Variants in METTL25 observed in about 807,000 individuals in gnomAD.
METTL25 encodes the protein probable methyltransferase-like protein 25.
METTL25 carries 64 observed loss-of-function variants against 71.6 expected under a neutral mutation model. The ratio of observed to expected loss-of-function variants is 0.89; its 90% CI spans 0.73 to 1.10. METTL25 has a LOEUF of 1.10. Among genes scored for constraint, METTL25 ranks in the 50% least tolerant of loss-of-function variants. The pLI is 0.00. For synonymous variants in METTL25, 287 were observed against 250.3 expected (o/e 1.15, Z -1.38); for missense variants, 807 against 707.0 (o/e 1.14, Z -1.60).
chr12:82,407,927 C>A, intron 5 of METTL25: 6 of 984,852 alleles, frequency 6.1e-6, no homozygotes, highest in Non-Finnish European at 7.2e-6. Flanking sequence ...CTCACTGTAT[C>A]TTTGCTGTAG....
At chr12:82,424,127 G>C (rs928092944) in intron 5 of METTL25, among the ~76,000 whole-genome samples, 1 of 152,076 alleles carries the variant, frequency 6.6e-6, no homozygotes, top group Admixed American at 6.5e-5. Context: ...CAAAGACTTG[G>C]AACCAACCCA....
chr12:82,412,879 A>G (rs527412579), intron 5 of METTL25, among the ~76,000 whole-genome samples: 1 of 152,094 alleles, frequency 6.6e-6, no homozygotes, highest in South Asian at 2.1e-4. Flanking sequence ...AAGAGGAAAT[A>G]TTTTACTTTA....
At chr12:82,458,933 A>C (rs145297482) in intron 9 of METTL25, among the ~76,000 whole-genome samples, 2 of 152,300 alleles carry the variant, frequency 1.3e-5, no homozygotes, top group East Asian at 3.9e-4. Context: ...TAAAGTTTGT[A>C]GTACAGAGAC....
intron 4 of METTL25, among the ~76,000 whole-genome samples, chr12:82,401,072 CAGAGTAGCTGTATAAACCTCTATA>C (rs1217400570): frequency 6.6e-6 from 1 of 151,992 alleles, no homozygotes; most frequent in African/African-American, 2.4e-5. Context: ...TCAAGAAAAG[CAGAGTAGCTGTATAAACCTCTATA>C]AACTGTGCTT....
chr12:82,418,484 T>G (rs1488797134), intron 5 of METTL25, among the ~76,000 whole-genome samples: 1 of 152,246 alleles, frequency 6.6e-6, no homozygotes, highest in South Asian at 2.1e-4. Context: ...ATACCCACTT[T>G]AAAAAATGTG....
intron 8 of METTL25, among the ~76,000 whole-genome samples, chr12:82,451,793 T>C (rs1168437918): frequency 6.6e-6 from 1 of 152,166 alleles, no homozygotes; most frequent in Non-Finnish European, 1.5e-5. Flanking sequence ...TTTTCTTTAA[T>C]ATCACAAATA....
intron 8 of METTL25, among the ~76,000 whole-genome samples, chr12:82,445,053 T>C (rs966135543): frequency 2.0e-5 from 3 of 152,090 alleles, no homozygotes; most frequent in Non-Finnish European, 4.4e-5. Flanking sequence ...GACCTAATAG[T>C]ATACCTCCAG....
At chr12:82,415,844 C>A (rs1887937752) in intron 5 of METTL25, among the ~76,000 whole-genome samples, 1 of 152,128 alleles carries the variant, frequency 6.6e-6, no homozygotes. Context: ...TAATGTTTAA[C>A]CAGATATCCG....
At chr12:82,366,076 C>T (rs1475721544) in intron 1 of METTL25, among the ~76,000 whole-genome samples, 4 of 151,680 alleles carry the variant, frequency 2.6e-5, no homozygotes, top group Non-Finnish European at 4.4e-5. Context: ...AGTGAGATTC[C>T]GTCTCAAAAA....
At chr12:82,475,008 A>C (rs1170865693) in intron 9 of METTL25, among the ~76,000 whole-genome samples, 1 of 152,234 alleles carries the variant, frequency 6.6e-6, no homozygotes, top group African/African-American at 2.4e-5. Flanking sequence ...TATCCTGAGG[A>C]ACAAAATCAA....
intron 8 of METTL25, among the ~76,000 whole-genome samples, chr12:82,442,705 G>A (rs1890438859): frequency 1.3e-5 from 2 of 152,016 alleles, no homozygotes; most frequent in African/African-American, 4.8e-5. Context: ...GAGACATTGT[G>A]GAAATTCAGA....
intron 8 of METTL25, among the ~76,000 whole-genome samples, chr12:82,451,834 ATTC>A (rs1891165257): frequency 6.6e-6 from 1 of 152,130 alleles, no homozygotes; most frequent in Non-Finnish European, 1.5e-5. Context: ...ACTTTCAAGA[ATTC>A]TTCTGAAATA....
At chr12:82,434,541 T>G (rs1889767942) in intron 6 of METTL25, among the ~76,000 whole-genome samples, 154 bp from the exon 7 acceptor site, 1 of 151,598 alleles carries the variant, frequency 6.6e-6, no homozygotes, top group African/African-American at 2.4e-5. Flanking sequence ...GTTAACATTC[T>G]TTAATGATAT....
At chr12:82,464,658 G>A (rs1192858385) in intron 9 of METTL25, among the ~76,000 whole-genome samples, 1 of 151,712 alleles carries the variant, frequency 6.6e-6, no homozygotes, top group Non-Finnish European at 1.5e-5. Context: ...GAATGTCATT[G>A]GTATTTTGAT....
At chr12:82,438,846 CT>C in intron 8 of METTL25, 55 bp downstream of exon 8, 2 of 1,414,662 alleles carry the variant, frequency 1.4e-6, no homozygotes, top group Non-Finnish European at 9.4e-7. Flanking sequence ...AGTAAAGTGA[CT>C]TTTAGTCTTC....
intron 1 of METTL25, among the ~76,000 whole-genome samples, chr12:82,384,609 C>CT (rs146813642): frequency 0.063 from 9,434 of 150,440 alleles, 344 homozygotes; most frequent in Middle Eastern, 0.12. Flanking sequence ...GAAAACTACC[C>CT]TTTTTTAAAA....
At chr12:82,430,011 G>A (rs568516172) in intron 5 of METTL25, among the ~76,000 whole-genome samples, 1 of 151,072 alleles carries the variant, frequency 6.6e-6, no homozygotes, top group East Asian at 1.9e-4. Context: ...GTTTATTTAG[G>A]GGAAGCTATC....
At chr12:82,372,659 G>A (rs1247080519) in intron 1 of METTL25, among the ~76,000 whole-genome samples, 1 of 152,142 alleles carries the variant, frequency 6.6e-6, no homozygotes, top group South Asian at 2.1e-4. Context: ...AAAAAACTGA[G>A]CCACCTCTTT....
intron 8 of METTL25, among the ~76,000 whole-genome samples, chr12:82,440,893 A>G (rs578096407): frequency 4.9e-4 from 74 of 152,160 alleles, no homozygotes; most frequent in Middle Eastern, 3.4e-3. Flanking sequence ...AGGAAATGGG[A>G]TTTCAACAGA....
Sources: gnomAD v4.1 joint callset for allele counts (sites outside exome capture counted in the v4.1 genomes callset) on GRCh38, gnomAD v4.1.1 for gene constraint, MANE v1.5 for transcripts, NCBI Gene and HGNC (gene_info 2026-07-23, HGNC 2026-07-21) for gene names.